FKBP6: variants seen among roughly 807,000 people sequenced by gnomAD.
FKBP6 encodes the protein FKBP prolyl isomerase family member 6 (inactive).
A neutral mutation model predicts 41.7 loss-of-function variants in FKBP6; 29 were observed. The ratio of observed to expected loss-of-function variants is 0.70; its 90% CI spans 0.52 to 0.95. The LOEUF (loss-of-function observed/expected upper bound fraction) is 0.95. Ranked by LOEUF, FKBP6 falls within the 40% of genes least tolerant of loss-of-function variation. FKBP6 has a pLI of 0.00. For synonymous variants in FKBP6, 130 were observed against 165.1 expected (o/e 0.79, Z 1.63); for missense variants, 338 against 408.7 (o/e 0.83, Z 1.49).
chr7:73,343,307 C>T (rs887233142), intron 8 of FKBP6, among the ~76,000 whole-genome samples: 3 of 152,108 alleles, frequency 2.0e-5, no homozygotes, highest in African/African-American at 7.2e-5. Context: ...AGCTGTGAGC[C>T]GTGGCGCTCA....
intron 5 of FKBP6, among the ~76,000 whole-genome samples, chr7:73,336,075 C>T (rs1201673774): frequency 6.6e-6 from 1 of 152,114 alleles, no homozygotes; most frequent in Non-Finnish European, 1.5e-5. Flanking sequence ...AAATGCAGCT[C>T]CAACAGCTAA....
intron 5 of FKBP6, among the ~76,000 whole-genome samples, chr7:73,333,279 A>AG (rs1292996923): frequency 1.3e-5 from 2 of 148,238 alleles, no homozygotes; most frequent in Non-Finnish European, 3.0e-5. Context: ...TCCAAAAAAA[A>AG]AAAAAACAAA....
chr7:73,340,780 AG>A lies in FKBP6; in HGVS notation c.733del (p.Ala245LeufsTer2), dbSNP rs1554549363. On this transcript the variant is annotated frameshift_variant, in exon 6 of 9. Coordinates refer to ENST00000252037, the MANE Select transcript of FKBP6 (RefSeq NM_003602.5). LOFTEE classifies it high-confidence loss of function. ...RPTIALCYGE[Q>X]ALIIDQKNAK... ...ACCATAGCCCTGTGCTATGGAGAGC[AG>A]GCTTTGATCATTGACCAAAAGAATG... 6.2e-7 allele frequency: 1 copy of A among 1,614,126 alleles called. No individual in the cohort carries two copies. Among genetic ancestry groups the A allele is most frequent in the East Asian group, 2.2e-5 (1 of 44,868 alleles).
chr7:73,340,490 G>T (rs2115891872), intron 5 of FKBP6, 148 bp from the exon 6 acceptor site: 3 of 708,360 alleles, frequency 4.2e-6, no homozygotes, highest in East Asian at 2.7e-5. Context: ...GAAGAAAAAA[G>T]AAATATACCT....
chr7:73,341,513 C>A, intron 7 of FKBP6, 131 bp downstream of exon 7: 1 of 731,690 alleles, frequency 1.4e-6, no homozygotes, highest in East Asian at 2.6e-5. Flanking sequence ...CCCTCTACAG[C>A]TGGGTTTCTG....
At position 73,340,698 on chromosome 7, in the gene FKBP6, G is replaced by T. The variant is rs782518033; in HGVS notation, c.649G>T (p.Ala217Ser). 2 of 1,613,888 alleles carry T rather than the reference G, an allele frequency of 1.2e-6. No homozygotes were observed. Among genetic ancestry groups the T allele is most frequent in the Non-Finnish European group, 1.7e-6 (2 of 1,179,956 alleles). Reference sequence around the variant, plus strand: ...TGAAGAGCAGCACCTGGTGGAGGCCGCCAAGCTTCCTGTTCTCCTGAACCT... The same window carrying T: ...TGAAGAGCAGCACCTGGTGGAGGCCTCCAAGCTTCCTGTTCTCCTGAACCT... Reference protein sequence around the residue: ...PPEEQHLVEAAKLPVLLNLSF... With the variant: ...PPEEQHLVEASKLPVLLNLSF... The change falls in exon 6 of 9, where the codon GCC (alanine) becomes TCC (serine). Residue 217 changes from alanine (A) to serine (S), a missense_variant. Ala to Ser is a moderately conservative substitution (Grantham distance 99, BLOSUM62 1). Coordinates refer to ENST00000252037, the MANE Select transcript of FKBP6 (RefSeq NM_003602.5).
At chr7:73,330,050 A>C (rs1554547344) in intron 3 of FKBP6, 100 bp from the exon 4 acceptor site, 2 of 827,518 alleles carry the variant, frequency 2.4e-6, no homozygotes, top group Admixed American at 1.9e-5. Context: ...TGAGGGAGAC[A>C]TGGAGGCCAG....
rs1804784273 is a variant in FKBP6, at chr7:73,329,963, A to T, written c.266-187A>T. ...GTGGGGGCATTTGAACTGAGCCTGG[A>T]AGTTTGAATAAAATTTATATCAGTA... is the stretch of plus-strand genomic sequence containing the variant. On this transcript the variant is annotated intron_variant, in intron 3 of 8. Transcript: ENST00000252037. 7.7e-6 allele frequency: 5 copies of T among 646,554 alleles called. No individual in the cohort carries two copies. In the South Asian group the frequency reaches 8.9e-5, roughly 12 times the overall value. The allele number at this position is 646,554 out of a possible 1,614,324, so 40.1% of individuals were successfully genotyped here.
chr7:73,341,447 AC>A (rs1209975563), intron 7 of FKBP6, 65 bp downstream of exon 7: 277 of 918,092 alleles, frequency 3.0e-4, no homozygotes, highest in Non-Finnish European at 3.9e-4. Context: ...CTGTCCCCCC[AC>A]CCCCCCCAAC....
intron 5 of FKBP6, among the ~76,000 whole-genome samples, chr7:73,335,524 C>T (rs1804978807): frequency 6.6e-6 from 1 of 152,200 alleles, no homozygotes; most frequent in Admixed American, 6.5e-5. Context: ...CTGTCTGCTC[C>T]AGCCTGCCCC....
intron 7 of FKBP6, 59 bp from the exon 8 acceptor site, chr7:73,342,748 C>T: frequency 4.3e-6 from 5 of 1,163,464 alleles, no homozygotes; most frequent in Non-Finnish European, 6.5e-6. Flanking sequence ...TTCCAGCCAC[C>T]AGATGTCACC....
At chr7:73,343,081 G>A (rs782092139) in intron 8 of FKBP6, among the ~76,000 whole-genome samples, 182 bp downstream of exon 8, 1 of 152,240 alleles carries the variant, frequency 6.6e-6, no homozygotes, top group Non-Finnish European at 1.5e-5. Flanking sequence ...TACCTTTCCC[G>A]TGAGAAGAAA....
chr7:73,355,990 C>T (rs1411861996), intron 8 of FKBP6, among the ~76,000 whole-genome samples: 7 of 145,272 alleles, frequency 4.8e-5, no homozygotes, highest in East Asian at 2.1e-4. Context: ...GGCTTGAACC[C>T]GGGAGGCGGA....
At chr7:73,344,709 C>T (rs1158184018) in intron 8 of FKBP6, among the ~76,000 whole-genome samples, 3 of 152,084 alleles carry the variant, frequency 2.0e-5, no homozygotes, top group African/African-American at 7.2e-5. Context: ...CTCAGCCTCC[C>T]GAGTAGCTGG....
At chr7:73,335,416 G>A (rs573956525) in intron 5 of FKBP6, among the ~76,000 whole-genome samples, 1 of 152,300 alleles carries the variant, frequency 6.6e-6, no homozygotes, top group Non-Finnish European at 1.5e-5. Flanking sequence ...CAAGGGACCG[G>A]CATTCTGGGA....
chr7:73,334,595 G>A (rs1387130196), intron 5 of FKBP6, among the ~76,000 whole-genome samples: 1 of 152,046 alleles, frequency 6.6e-6, no homozygotes, highest in Non-Finnish European at 1.5e-5. Context: ...ATCAGTCTGG[G>A]CACCATAGCA....
At chr7:73,349,604 C>T (rs1284514988) in intron 8 of FKBP6, among the ~76,000 whole-genome samples, 1 of 143,708 alleles carries the variant, frequency 7.0e-6, no homozygotes, top group Non-Finnish European at 1.5e-5. Context: ...GTCCCAGCTA[C>T]TTGGGAGGCT....
intron 5 of FKBP6, among the ~76,000 whole-genome samples, chr7:73,335,989 T>A (rs550408504): frequency 6.6e-6 from 1 of 152,198 alleles, no homozygotes; most frequent in Non-Finnish European, 1.5e-5. Context: ...TGTCTCCACC[T>A]TTTGCTCAGC....
intron 8 of FKBP6, among the ~76,000 whole-genome samples, chr7:73,357,269 GTTTTTTT>G (rs11430645): frequency 2.1e-5 from 2 of 96,816 alleles, no homozygotes; most frequent in East Asian, 3.1e-4. Context: ...GTTTGGTTTG[GTTTTTTT>G]TTTTTTTTTT....
Sources: allele counts gnomAD v4.1 joint callset (sites outside exome capture counted in the v4.1 genomes callset), GRCh38; gene constraint gnomAD v4.1.1; transcripts MANE v1.5; gene names NCBI Gene and HGNC (gene_info 2026-07-23, HGNC 2026-07-21).